Variants in RIN2 observed in about 807,000 individuals in gnomAD.
RIN2 encodes the protein RAB5 interacting protein 2.
Under a neutral mutation model 78.0 loss-of-function variants are expected in RIN2, and 36 were observed. That is an observed-to-expected ratio of 0.46 (90% CI 0.35 to 0.61). The LOEUF (loss-of-function observed/expected upper bound fraction) is 0.61, where lower values mean the gene tolerates loss of function less well. Ranked by LOEUF, RIN2 falls within the 20% of genes least tolerant of loss-of-function variation. The pLI, the probability that RIN2 is intolerant of heterozygous loss-of-function variation, is 0.00. For missense variants in RIN2, 1,087 were observed against 1,159.7 expected, an observed-to-expected ratio of 0.94 and a Z score of 0.91; for synonymous variants, 466 against 466.8, an observed-to-expected ratio of 1.00 and a Z score of 0.02.
intron 3 of RIN2, among the ~76,000 whole-genome samples, chr20:19,892,698 A>G (rs566542556): frequency 1.3e-5 from 2 of 152,268 alleles, no homozygotes; most frequent in South Asian, 2.1e-4. Flanking sequence ...CCTTCTAGAC[A>G]TGGTTATTCT....
intron 11 of RIN2, among the ~76,000 whole-genome samples, chr20:19,996,275 C>T (rs1192169883): frequency 6.6e-6 from 1 of 152,218 alleles, no homozygotes; most frequent in Non-Finnish European, 1.5e-5. Flanking sequence ...GATTGTGCCA[C>T]TGCACTCCAG....
At chr20:19,780,863 G>T (rs777361332) in intron 1 of RIN2, among the ~76,000 whole-genome samples, 4 of 152,218 alleles carry the variant, frequency 2.6e-5, no homozygotes, top group Non-Finnish European at 5.9e-5. Context: ...CATGGGGTGT[G>T]CACTCAGCAT....
intron 2 of RIN2, among the ~76,000 whole-genome samples, chr20:19,871,515 T>C (rs148392568): frequency 1.4e-3 from 212 of 152,276 alleles, no homozygotes; most frequent in Non-Finnish European, 2.2e-3. Flanking sequence ...TGCTAGTAAA[T>C]AGCAGTGCAT....
At position 19,769,817 on chromosome 20, in the gene RIN2, C is replaced by A. The variant is rs377733226; in HGVS notation, c.-163+11490C>A. On this transcript the variant is annotated intron_variant, in intron 1 of 12. Coordinates refer to ENST00000255006, the MANE Select transcript of RIN2 (RefSeq NM_018993.4). ...CTCAGGAGGTGGATCATGATAAGCT[C>A]TAATTTGAACTGCTGATATAAGGTG... Among the ~76,000 whole-genome samples, 12 of 152,278 alleles carry A rather than the reference C, an allele frequency of 7.9e-5. No individual in the cohort carries two copies. The East Asian group carries it at 1.5e-3, about 20-fold the overall frequency.
chr20:19,837,169 AACACACACACACACACACACAC>A (rs142399537), intron 2 of RIN2, among the ~76,000 whole-genome samples: 4 of 140,132 alleles, frequency 2.9e-5, no homozygotes, highest in Non-Finnish European at 4.6e-5. Flanking sequence ...CGCCCCCCCC[AACACACACACACACACACACAC>A]ACACACACAC....
chr20:19,842,675 T>C (rs76526383), intron 2 of RIN2, among the ~76,000 whole-genome samples: 8,460 of 152,172 alleles, frequency 0.056, 289 homozygotes, highest in South Asian at 0.17. Flanking sequence ...GAGTTCTAAC[T>C]GAGATGTAAG....
chr20:19,927,450 TG>T (rs2040269095), intron 3 of RIN2, among the ~76,000 whole-genome samples: 1 of 152,084 alleles, frequency 6.6e-6, no homozygotes, highest in Non-Finnish European at 1.5e-5. Flanking sequence ...AGTCTCACTC[TG>T]TTGCCCAGGC....
At chr20:19,822,217 G>A (rs2035946766) in intron 2 of RIN2, among the ~76,000 whole-genome samples, 1 of 152,174 alleles carries the variant, frequency 6.6e-6, no homozygotes, top group Non-Finnish European at 1.5e-5. Flanking sequence ...TCTGGGACAG[G>A]TTGACCAGCT....
chr20:19,906,368 G>C (rs570482151), intron 3 of RIN2, among the ~76,000 whole-genome samples: 8 of 152,208 alleles, frequency 5.3e-5, no homozygotes, highest in Non-Finnish European at 1.2e-4. Flanking sequence ...AGGATTGCTT[G>C]AGCCCAGGAG....
At chr20:20,000,251 A>C (rs901115276) in intron 12 of RIN2, among the ~76,000 whole-genome samples, 1 of 152,196 alleles carries the variant, frequency 6.6e-6, no homozygotes, top group Non-Finnish European at 1.5e-5. Context: ...GACTTCCTTC[A>C]TACTCTTGTG....
At chr20:19,937,374 G>C (rs1026872918) in intron 4 of RIN2, among the ~76,000 whole-genome samples, 1 of 152,202 alleles carries the variant, frequency 6.6e-6, no homozygotes, top group African/African-American at 2.4e-5. Context: ...GGCTCTGCAC[G>C]TCTGACGGCT....
intron 2 of RIN2, among the ~76,000 whole-genome samples, chr20:19,876,987 C>G (rs1385802767): frequency 2.6e-5 from 4 of 152,120 alleles, no homozygotes; most frequent in African/African-American, 7.2e-5. Context: ...CAGCCAGACC[C>G]ACCCATTTGG....
Position 19,992,176 on chromosome 20 carries a change from T to C in RIN2, c.2077T>C (p.Tyr693His). ...TCTCTTCCTGCTCTCAGGGAGGATG[T>C]ATGGCGCTGATGACTTCTTGCCAGT... ...TVMENNSGRM[Y>H]GADDFLPVLT... The change falls in exon 11 of 13, where the codon TAT becomes CAT. Residue 693 changes from tyrosine (Y) to histidine (H), a missense_variant. Coordinates refer to ENST00000255006, the MANE Select transcript of RIN2 (RefSeq NM_018993.4). The C allele has an allele frequency of 1.2e-6, 2 of 1,612,898 alleles. No homozygotes were observed. Among genetic ancestry groups the C allele is most frequent in the Non-Finnish European group, 1.7e-6 (2 of 1,179,542 alleles).
At chr20:19,887,904 G>A (rs371232658) in intron 2 of RIN2, among the ~76,000 whole-genome samples, 90 of 152,282 alleles carry the variant, frequency 5.9e-4, no homozygotes, top group African/African-American at 2.0e-3. Context: ...GTGCTTCTGG[G>A]TCTAAACAGG....
At chr20:19,988,173 C>A (rs144022520) in intron 9 of RIN2, among the ~76,000 whole-genome samples, 1,936 of 152,316 alleles carry the variant, frequency 0.013, 21 homozygotes, top group Non-Finnish European at 0.018. Flanking sequence ...GGCTGGAGTG[C>A]AGTGGCAGGA....
intron 3 of RIN2, among the ~76,000 whole-genome samples, chr20:19,920,628 A>G (rs2039877061): frequency 6.6e-6 from 1 of 152,232 alleles, no homozygotes; most frequent in East Asian, 1.9e-4. Context: ...TGAAGGTTAT[A>G]TCAGAGTGTT....
chr20:19,831,808 G>A (rs1420978158), intron 2 of RIN2, among the ~76,000 whole-genome samples: 2 of 152,074 alleles, frequency 1.3e-5, no homozygotes, highest in Admixed American at 1.3e-4. Flanking sequence ...AAATACATAT[G>A]GAAAGTTAAA....
intron 1 of RIN2, among the ~76,000 whole-genome samples, chr20:19,776,356 T>C (rs1235228241): frequency 6.6e-6 from 1 of 152,222 alleles, no homozygotes; most frequent in African/African-American, 2.4e-5. Context: ...TTTATTTGCA[T>C]GACAAAACTT....
chr20:19,811,224 G>A (rs1442461266), intron 2 of RIN2, among the ~76,000 whole-genome samples: 1 of 151,930 alleles, frequency 6.6e-6, no homozygotes. Context: ...GAGAGAGAAG[G>A]GAAAGAACGA....
Sources: gnomAD v4.1 joint callset for allele counts (sites outside exome capture counted in the v4.1 genomes callset) on GRCh38, gnomAD v4.1.1 for gene constraint, MANE v1.5 for transcripts, NCBI Gene and HGNC (gene_info 2026-07-23, HGNC 2026-07-21) for gene names.